Variants in PIEZO2 observed in about 807,000 individuals in gnomAD.
PIEZO2 encodes piezo type mechanosensitive ion channel component 2, also known as piezo-type mechanosensitive ion channel component 2.
Under a neutral mutation model 337.3 loss-of-function variants are expected in PIEZO2, and 172 were observed. That is an observed-to-expected ratio of 0.51 (90% CI 0.45 to 0.58). PIEZO2 has a LOEUF of 0.58. Ranked by LOEUF, PIEZO2 falls within the 20% of genes least tolerant of loss-of-function variation. The pLI is 0.00. For missense variants in PIEZO2, 3,028 were observed against 3,391.3 expected (o/e 0.89, Z 2.66); for synonymous variants, 1,251 against 1,228.5 (o/e 1.02, Z -0.38).
chr18:10,807,223 C>T lies in PIEZO2; in HGVS notation c.969G>A (p.Lys323=). The T allele has an allele frequency of 6.5e-7, 1 of 1,537,290 alleles. No homozygotes were observed. Among genetic ancestry groups the T allele is most frequent in the South Asian group, 1.2e-5 (1 of 84,058 alleles). Residue 323 remains lysine, a synonymous_variant, in exon 8 of 56, where the codon AAG becomes AAA. Transcript: ENST00000674853. The part of the protein sequence containing the change: ...VIQTDCSSTW[K]IIVNPDLSWY... Reference sequence around the variant, plus strand: ...ACGACAGGTCCGGGTTCACTATGATCTTCCAAGTACTTGAACAGTCCGTTT... The same window carrying T: ...ACGACAGGTCCGGGTTCACTATGATTTTCCAAGTACTTGAACAGTCCGTTT...
At chr18:10,718,964 G>A (rs963777854) in intron 36 of PIEZO2, among the ~76,000 whole-genome samples, 21 of 151,418 alleles carry the variant, frequency 1.4e-4, no homozygotes, top group Non-Finnish European at 2.8e-4. Flanking sequence ...GGGCAAAAGA[G>A]TGAGACCTTG....
intron 3 of PIEZO2, among the ~76,000 whole-genome samples, chr18:10,938,233 G>A (rs1372369819): frequency 6.6e-6 from 1 of 152,234 alleles, no homozygotes; most frequent in Non-Finnish European, 1.5e-5. Context: ...CCTCTCATCT[G>A]TGGGATGGGG....
rs924113470 is a variant in PIEZO2, at chr18:11,143,645, T to A, written c.64+4880A>T. ...CACACACACACACACACACACTCTC[T>A]CTCTCTCTCTCTCTCTCTCTCTCTC... On this transcript the variant is annotated intron_variant, in intron 1 of 55. Coordinates refer to ENST00000674853, the MANE Select transcript of PIEZO2 (RefSeq NM_001378183.1). This position sits in a 1 kb window ranked among gnomAD's most constrained non-coding sequence, Gnocchi z 4.9. 2.6e-4 allele frequency among the ~76,000 whole-genome samples: 38 copies of A among 144,076 alleles called. No individual in the cohort carries two copies. The highest frequency in any genetic ancestry group is 4.1e-4 in the Non-Finnish European group (27 of 66,642). The allele number at this position is 144,076 out of a possible 152,430, so 94.5% of individuals were successfully genotyped here.
In PIEZO2 at chr18:10,944,182, G is replaced by A. The variant is rs149878105; in HGVS notation, c.287-32954C>T. 2.3e-3 allele frequency among the ~76,000 whole-genome samples: 343 copies of A among 152,052 alleles called. 3 individuals carry two copies. Among genetic ancestry groups the A allele is most frequent in the African/African-American group, 7.9e-3 (327 of 41,486 alleles). ...ACATAAATATTTAAAACAAATACTC[G>A]GTGGATGAGGCAATCATCAGTTTGG... On this transcript the variant is annotated intron_variant, in intron 3 of 55. Transcript: ENST00000674853.
chr18:10,752,961 G>C, intron 27 of PIEZO2, 82 bp from the exon 28 acceptor site: 1 of 1,448,508 alleles, frequency 6.9e-7, no homozygotes, highest in East Asian at 2.5e-5. Context: ...AACAAGGGAA[G>C]AAATTCATGC....
intron 7 of PIEZO2, among the ~76,000 whole-genome samples, chr18:10,840,553 GAAT>G (rs1282177068): frequency 1.3e-5 from 2 of 151,950 alleles, no homozygotes; most frequent in Non-Finnish European, 2.9e-5. Flanking sequence ...AGTCTCTCTT[GAAT>G]AATAGGTGAG....
chr18:10,963,558 A>G (rs1427982870), intron 3 of PIEZO2, among the ~76,000 whole-genome samples: 1 of 152,242 alleles, frequency 6.6e-6, no homozygotes, highest in Non-Finnish European at 1.5e-5. Flanking sequence ...CACTTTCTGC[A>G]TTTATCTTCT....
intron 3 of PIEZO2, among the ~76,000 whole-genome samples, chr18:10,964,677 A>G (rs1453756491): frequency 6.6e-6 from 1 of 152,228 alleles, no homozygotes; most frequent in Non-Finnish European, 1.5e-5. Flanking sequence ...TCACCAGGCC[A>G]TGCAACTACC....
intron 1 of PIEZO2, among the ~76,000 whole-genome samples, chr18:11,140,375 C>T (rs1014295954): frequency 1.3e-5 from 2 of 152,212 alleles, no homozygotes; most frequent in Admixed American, 6.5e-5. Flanking sequence ...CCGCCACCAA[C>T]CAAACTGTCA....
rs1029128727 is a variant in PIEZO2, at chr18:10,821,886, C to T, written c.918-14612G>A. Among the ~76,000 whole-genome samples the T allele has an allele frequency of 3.9e-5, 6 of 152,122 alleles. No homozygotes were observed. The highest frequency in any genetic ancestry group is 7.2e-5 in the African/African-American group (3 of 41,430). Reference sequence around the variant, plus strand: ...TTTTTATATTGTTTGTAAATTTAAACGTGATTAGAGTCATTGATTACAAAT... The same window carrying T: ...TTTTTATATTGTTTGTAAATTTAAATGTGATTAGAGTCATTGATTACAAAT... On this transcript the variant is annotated intron_variant, in intron 7 of 55. Coordinates refer to ENST00000674853, the MANE Select transcript of PIEZO2 (RefSeq NM_001378183.1). The surrounding 1 kb of genome is among the most constrained non-coding windows in gnomAD (Gnocchi z 4.2).
chr18:11,037,210 C>A (rs1388041936), intron 2 of PIEZO2, among the ~76,000 whole-genome samples: 1 of 152,094 alleles, frequency 6.6e-6, no homozygotes, highest in African/African-American at 2.4e-5. Flanking sequence ...TCGCCTCTAG[C>A]TTATAAAACA....
At chr18:10,845,105 A>G (rs1162094235) in intron 7 of PIEZO2, among the ~76,000 whole-genome samples, 1 of 152,152 alleles carries the variant, frequency 6.6e-6, no homozygotes, top group African/African-American at 2.4e-5. Flanking sequence ...TTCTTAATAC[A>G]TACCAGACAC....
intron 3 of PIEZO2, among the ~76,000 whole-genome samples, chr18:10,979,000 G>A (rs1235040591): frequency 6.6e-6 from 1 of 152,016 alleles, no homozygotes; most frequent in Non-Finnish European, 1.5e-5. Flanking sequence ...GGGCTTAAGA[G>A]ATACTGTTTC....
Position 11,104,893 on chromosome 18 carries a change from C to A in PIEZO2, c.65-38671G>T, listed in dbSNP as rs185823942. ...TGTGACTGGATGTGACTGGGTCTGG[C>A]TAATGAGGCCCCCTCCCCAGGTACA... is the stretch of plus-strand genomic sequence containing the variant. On this transcript the variant is annotated intron_variant, in intron 1 of 55. Coordinates refer to ENST00000674853, the MANE Select transcript of PIEZO2 (RefSeq NM_001378183.1). The surrounding 1 kb of genome is among the most constrained non-coding windows in gnomAD (Gnocchi z 4.6). 4.8e-4 allele frequency among the ~76,000 whole-genome samples: 73 copies of A among 152,184 alleles called. No individual in the cohort carries two copies. The East Asian group carries it at 8.3e-3, about 17-fold the overall frequency.
intron 2 of PIEZO2, among the ~76,000 whole-genome samples, chr18:11,025,058 G>C (rs1224610129): frequency 1.3e-5 from 2 of 151,816 alleles, no homozygotes; most frequent in African/African-American, 4.8e-5. Flanking sequence ...TTCTATAAGC[G>C]TCCTCTCTCT....
rs73943068 is a variant in PIEZO2 at position 10,925,143 on chromosome 18, A to C, written c.287-13915T>G. On this transcript the variant is annotated intron_variant, in intron 3 of 55. Coordinates refer to ENST00000674853, the MANE Select transcript of PIEZO2 (RefSeq NM_001378183.1). ...AAAATATATGCCATGATATATAATA[A>C]AATAGTAAATGTATTGTTAAATGTA... Among the ~76,000 whole-genome samples, 353 of 152,320 alleles carry C rather than the reference A, an allele frequency of 2.3e-3. 1 individual carries two copies. Among genetic ancestry groups the C allele is most frequent in the African/African-American group, 7.6e-3 (315 of 41,564 alleles).
Position 10,752,891 on chromosome 18 carries a change from AGCCAGTG to A in PIEZO2, c.3924-19_3924-13del. 1 of 1,522,856 alleles carries A rather than the reference AGCCAGTG, an allele frequency of 6.6e-7. No homozygotes were observed. Among genetic ancestry groups the A allele is most frequent in the Admixed American group, 2.0e-5 (1 of 49,152 alleles). 94.3% of individuals were successfully genotyped at this position (1,522,856 alleles called of 1,614,324 possible). Reference sequence around the variant, plus strand: ...TGTCTAAGTAAGATCTGGAAAACAAAGCCAGTGACAAAAAGACAACAACAACAAAACA... The same window carrying A: ...TGTCTAAGTAAGATCTGGAAAACAAAACAAAAAGACAACAACAACAAAACA... On this transcript the variant is annotated splice_polypyrimidine_tract_variant and intron_variant, in intron 27 of 55. Transcript: ENST00000674853.
chr18:11,068,872 A>G (rs943239945), intron 1 of PIEZO2, among the ~76,000 whole-genome samples: 1 of 152,192 alleles, frequency 6.6e-6, no homozygotes, highest in Non-Finnish European at 1.5e-5. Context: ...ATAAAGGATT[A>G]TAAGAGATTT....
intron 7 of PIEZO2, among the ~76,000 whole-genome samples, chr18:10,844,151 G>T (rs2041277168): frequency 6.6e-6 from 1 of 152,210 alleles, no homozygotes; most frequent in South Asian, 2.1e-4. Flanking sequence ...GGGCACAGTG[G>T]CTCACGCTTG....
Sources: gnomAD v4.1 joint callset for allele counts (sites outside exome capture counted in the v4.1 genomes callset) on GRCh38, gnomAD v4.1.1 for gene constraint, Gnocchi (gnomAD v3.1) non-coding constraint, MANE v1.5 for transcripts, NCBI Gene and HGNC (gene_info 2026-07-23, HGNC 2026-07-21) for gene names.